CLNK: variants seen among roughly 807,000 people sequenced by gnomAD.
CLNK encodes the protein cytokine dependent hematopoietic cell linker, also known as cytokine-dependent hematopoietic cell linker.
A neutral mutation model predicts 68.6 loss-of-function variants in CLNK; 74 were observed. The observed-to-expected ratio is 1.08, with a 90% CI of 0.89 to 1.31. CLNK has a LOEUF of 1.31. Among genes scored for constraint, CLNK ranks in the 50% most tolerant of loss-of-function variants. The pLI, the probability that CLNK is intolerant of heterozygous loss-of-function variation, is 0.00. For missense variants in CLNK, 553 were observed against 515.3 expected, an observed-to-expected ratio of 1.07 and a Z score of -0.71; for synonymous variants, 198 against 172.2, an observed-to-expected ratio of 1.15 and a Z score of -1.17.
rs529708193 is a variant in CLNK at position 10,513,361 on chromosome 4, T to A, written c.906+103A>T. The A allele has an allele frequency of 2.1e-5, 23 of 1,116,458 alleles. No homozygotes were observed. The African/African-American group carries it at 3.2e-4, about 16-fold the overall frequency. The allele number at this position is 1,116,458 out of a possible 1,614,324, so 69.2% of individuals were successfully genotyped here. A position where few individuals can be genotyped will look rare whatever the true frequency, so the allele number is the denominator to read the frequency against. On this transcript the variant is annotated intron_variant, in intron 16 of 18. Coordinates refer to ENST00000226951, the MANE Select transcript of CLNK (RefSeq NM_052964.4). ...TAACATATAGCCAGAAGGGAAAAAG[T>A]TAAAGTCAAACATAAATAATCTCCT...
At chr4:10,721,236 G>C in the CLNK span, among the ~76,000 whole-genome samples, 1 of 152,130 alleles carries the variant, frequency 6.6e-6, no homozygotes, top group Non-Finnish European at 1.5e-5. Flanking sequence ...CTGCATCCTG[G>C]TGATGATGGA....
At chr4:10,606,276 G>T (rs1174964641) in intron 2 of CLNK, among the ~76,000 whole-genome samples, 1 of 152,016 alleles carries the variant, frequency 6.6e-6, no homozygotes, top group Non-Finnish European at 1.5e-5. Context: ...ATAGGGTCAG[G>T]GTCAATGGCA....
chr4:10,547,131 G>A (rs1719263019), intron 8 of CLNK, among the ~76,000 whole-genome samples: 1 of 152,152 alleles, frequency 6.6e-6, no homozygotes, highest in Admixed American at 6.6e-5. Flanking sequence ...TGGGGACAAA[G>A]TTTCAACATG....
intron 2 of CLNK, among the ~76,000 whole-genome samples, chr4:10,655,743 G>A (rs1001805779): frequency 2.1e-5 from 3 of 141,364 alleles, no homozygotes; most frequent in Admixed American, 1.5e-4. Context: ...TCAGCCTCCC[G>A]GGTTCACGCC....
intron 8 of CLNK, among the ~76,000 whole-genome samples, chr4:10,543,227 T>C (rs2108810064): frequency 6.6e-6 from 1 of 152,300 alleles, no homozygotes; most frequent in East Asian, 1.9e-4. Context: ...AATGAATATG[T>C]GGGACACTTA....
chr4:10,579,402 G>GAA (rs1439404906), intron 4 of CLNK, among the ~76,000 whole-genome samples: 1 of 152,066 alleles, frequency 6.6e-6, no homozygotes, highest in African/African-American at 2.4e-5. Flanking sequence ...GAATGAGAGA[G>GAA]AGAGAGATAG....
chr4:10,716,352 A>C, the CLNK span, among the ~76,000 whole-genome samples: 2 of 152,348 alleles, frequency 1.3e-5, no homozygotes, highest in East Asian at 3.9e-4. Flanking sequence ...AGAACCATGA[A>C]GAACAATTGT....
chr4:10,577,554 G>GAA (rs1483199653), intron 4 of CLNK, among the ~76,000 whole-genome samples: 1 of 152,198 alleles, frequency 6.6e-6, no homozygotes, highest in Non-Finnish European at 1.5e-5. Context: ...AATCAAGTCA[G>GAA]AATTTCCAGG....
chr4:10,685,311 T>A (rs1725229725), upstream of CLNK, among the ~76,000 whole-genome samples: 1 of 152,174 alleles, frequency 6.6e-6, no homozygotes, highest in African/African-American at 2.4e-5. Flanking sequence ...TTTTAGAAAC[T>A]TTTTTAAAAA....
At chr4:10,690,399 C>A in the CLNK span, among the ~76,000 whole-genome samples, 2 of 152,092 alleles carry the variant, frequency 1.3e-5, no homozygotes, top group Non-Finnish European at 2.9e-5. Context: ...CGTTTTGTTG[C>A]ATTCGTGTCT....
At chr4:10,698,936 C>T in the CLNK span, among the ~76,000 whole-genome samples, 11 of 152,170 alleles carry the variant, frequency 7.2e-5, no homozygotes, top group East Asian at 3.9e-4. Context: ...TTTGTCATGG[C>T]GGCTTGAGTG....
the CLNK span, among the ~76,000 whole-genome samples, chr4:10,718,428 G>A: frequency 4.6e-5 from 7 of 152,164 alleles, no homozygotes; most frequent in East Asian, 5.8e-4. Context: ...GAAAAAGTAC[G>A]TTGATTGGCA....
At chr4:10,709,200 G>A in the CLNK span, among the ~76,000 whole-genome samples, 2 of 152,254 alleles carry the variant, frequency 1.3e-5, no homozygotes, top group Admixed American at 1.3e-4. Context: ...GCACTTGAAA[G>A]ACTCAAAAAA....
At chr4:10,541,232 A>C (rs1719007911) in intron 10 of CLNK, among the ~76,000 whole-genome samples, 3 of 151,354 alleles carry the variant, frequency 2.0e-5, no homozygotes, top group African/African-American at 4.9e-5. Flanking sequence ...CAAAAAAAAA[A>C]AAACCCAATA....
chr4:10,503,427 A>C (rs1717140756), intron 17 of CLNK, among the ~76,000 whole-genome samples: 1 of 151,160 alleles, frequency 6.6e-6, no homozygotes, highest in African/African-American at 2.4e-5. Context: ...ATGCCACTGC[A>C]CTCCAGCCTG....
intron 14 of CLNK, among the ~76,000 whole-genome samples, chr4:10,521,940 G>GA (rs1271095052): frequency 6.6e-6 from 1 of 151,978 alleles, no homozygotes; most frequent in South Asian, 2.1e-4. Flanking sequence ...AATATAAGGG[G>GA]AAAAAATAAA....
chr4:10,672,475 G>A (rs989296580), intron 1 of CLNK, among the ~76,000 whole-genome samples: 1 of 152,128 alleles, frequency 6.6e-6, no homozygotes, highest in Non-Finnish European at 1.5e-5. Flanking sequence ...TAAGACATGG[G>A]GGAAATAGTG....
At chr4:10,657,662 G>A (rs1724037058) in intron 2 of CLNK, among the ~76,000 whole-genome samples, 1 of 152,148 alleles carries the variant, frequency 6.6e-6, no homozygotes, top group African/African-American at 2.4e-5. Context: ...AGACAACAAT[G>A]GGAACAAATG....
intron 3 of CLNK, among the ~76,000 whole-genome samples, chr4:10,596,436 T>G (rs1721391794): frequency 6.6e-6 from 1 of 152,200 alleles, no homozygotes; most frequent in Admixed American, 6.5e-5. Flanking sequence ...TTCAATGGAC[T>G]CATTCTACAC....
Sources: allele counts gnomAD v4.1 joint callset (sites outside exome capture counted in the v4.1 genomes callset), GRCh38; gene constraint gnomAD v4.1.1; transcripts MANE v1.5; gene names NCBI Gene and HGNC (gene_info 2026-07-23, HGNC 2026-07-21).